Variants in SGCD observed in about 807,000 individuals in gnomAD.
SGCD encodes sarcoglycan delta.
A neutral mutation model predicts 36.6 loss-of-function variants in SGCD; 18 were observed. The observed-to-expected ratio is 0.49, with a 90% CI of 0.34 to 0.73. The LOEUF is 0.73. Among genes scored for constraint, SGCD ranks in the 30% least tolerant of loss-of-function variants. The probability of loss-of-function intolerance (pLI) is 0.01; values close to 1 mark genes in which losing one functional copy is unlikely to be tolerated. For synonymous variants in SGCD, 133 were observed against 130.6 expected, an observed-to-expected ratio of 1.02 and a Z score of -0.12; for missense variants, 387 against 346.7, an observed-to-expected ratio of 1.12 and a Z score of -0.92.
At chr5:156,522,102 A>T (rs1206712417) in intron 4 of SGCD, among the ~76,000 whole-genome samples, 1 of 152,154 alleles carries the variant, frequency 6.6e-6, no homozygotes, top group Non-Finnish European at 1.5e-5. Context: ...AGGACAGAAA[A>T]CCAAACACCG....
chr5:156,386,470 A>G (rs954792184), intron 3 of SGCD, among the ~76,000 whole-genome samples: 2 of 152,272 alleles, frequency 1.3e-5, no homozygotes, highest in Non-Finnish European at 2.9e-5. Flanking sequence ...CATTGAATGG[A>G]TGAATCACTG....
chr5:156,435,308 CGTGCAACTT>C (rs1753196070), intron 3 of SGCD, among the ~76,000 whole-genome samples: 1 of 152,146 alleles, frequency 6.6e-6, no homozygotes, highest in Non-Finnish European at 1.5e-5. Context: ...TAGTTAGTGG[CGTGCAACTT>C]GTGAATTAAA....
chr5:156,459,308 C>G (rs578041698), intron 3 of SGCD, among the ~76,000 whole-genome samples: 1 of 152,156 alleles, frequency 6.6e-6, no homozygotes, highest in African/African-American at 2.4e-5. Context: ...AGCTTGTAGT[C>G]TAAGTGGAGA....
At chr5:155,942,691 G>A (rs34147443) in intron 1 of SGCD, among the ~76,000 whole-genome samples, 14,470 of 152,058 alleles carry the variant, frequency 0.095, 761 homozygotes, top group South Asian at 0.16. Flanking sequence ...GACAGAAACA[G>A]ATTTCAGAGG....
intron 3 of SGCD, among the ~76,000 whole-genome samples, chr5:156,167,166 G>A (rs1038718369): frequency 1.3e-5 from 2 of 152,008 alleles, no homozygotes; most frequent in African/African-American, 2.4e-5. Context: ...CATTTCAGAG[G>A]TGCCCTCTCT....
intron 3 of SGCD, among the ~76,000 whole-genome samples, chr5:156,165,506 C>T (rs888431052): frequency 1.3e-5 from 2 of 152,226 alleles, no homozygotes; most frequent in Admixed American, 1.3e-4. Context: ...AGAGTTGTGC[C>T]AATTTTGTTG....
intron 3 of SGCD, among the ~76,000 whole-genome samples, chr5:156,243,281 G>A (rs1293682130): frequency 2.0e-5 from 3 of 152,216 alleles, no homozygotes; most frequent in South Asian, 2.1e-4. Context: ...TGGTGGAAGC[G>A]CAGGAAAGCA....
At chr5:156,401,066 C>T (rs1209595540) in intron 3 of SGCD, among the ~76,000 whole-genome samples, 1 of 152,136 alleles carries the variant, frequency 6.6e-6, no homozygotes, top group Non-Finnish European at 1.5e-5. Context: ...ATTTCTTGCC[C>T]TCACGGAGCT....
chr5:156,203,399 A>G (rs1764197972), intron 3 of SGCD, among the ~76,000 whole-genome samples: 1 of 152,150 alleles, frequency 6.6e-6, no homozygotes, highest in African/African-American at 2.4e-5. Flanking sequence ...ATGTAGTTCG[A>G]TATTTGAGAT....
chr5:156,414,741 A>T (rs924936255), intron 3 of SGCD, among the ~76,000 whole-genome samples: 8 of 152,262 alleles, frequency 5.3e-5, no homozygotes, highest in African/African-American at 1.9e-4. Context: ...ATCTGTTATT[A>T]AACAACAATT....
At chr5:156,005,184 G>A (rs182883653) in intron 1 of SGCD, among the ~76,000 whole-genome samples, 25 of 152,278 alleles carry the variant, frequency 1.6e-4, no homozygotes, top group Admixed American at 1.4e-3. Context: ...CACTGACACT[G>A]AAAACATCTG....
intron 1 of SGCD, among the ~76,000 whole-genome samples, chr5:156,034,073 T>G (rs1398540677): frequency 2.0e-5 from 3 of 152,154 alleles, no homozygotes; most frequent in Non-Finnish European, 4.4e-5. Context: ...CTGCCAATTT[T>G]TAATAGTCCC....
At chr5:156,690,188 AG>A (rs1754057318) in intron 7 of SGCD, among the ~76,000 whole-genome samples, 1 of 152,174 alleles carries the variant, frequency 6.6e-6, no homozygotes, top group Admixed American at 6.5e-5. Context: ...TACAGATGAG[AG>A]AGCAGAGGAA....
chr5:156,362,580 A>G (rs1014394123), intron 3 of SGCD, among the ~76,000 whole-genome samples: 1 of 152,184 alleles, frequency 6.6e-6, no homozygotes, highest in African/African-American at 2.4e-5. Context: ...CGGGAGGCAG[A>G]GGTTGCAGTG....
chr5:156,696,179 A>G (rs1754311595), intron 7 of SGCD, among the ~76,000 whole-genome samples: 1 of 152,148 alleles, frequency 6.6e-6, no homozygotes, highest in Admixed American at 6.5e-5. Context: ...AGACACCAAG[A>G]AAGACCTGAG....
chr5:155,876,934 T>C (rs1755779583), intron 1 of SGCD, among the ~76,000 whole-genome samples: 1 of 152,114 alleles, frequency 6.6e-6, no homozygotes, highest in South Asian at 2.1e-4. Context: ...CATGGCACAG[T>C]AGAAACCAAC....
In SGCD at chr5:156,728,508, CAAAAAAAAAAAA is replaced by C. The variant is rs34726270; in HGVS notation, c.576-29056_576-29045del. On this transcript the variant is annotated intron_variant, in intron 7 of 8. Transcript: ENST00000337851. ...CCTGGGTGACAGAGCGAGACTCTGT[CAAAAAAAAAAAA>C]AAAAAAAAAAAAAAAAGGTAGAGTC... Among the ~76,000 whole-genome samples the C allele has an allele frequency of 1.3e-4, 6 of 46,558 alleles. No individual in the cohort carries two copies. In the East Asian group the frequency reaches 2.5e-3, roughly 19 times the overall value. The allele number at this position is 46,558 out of a possible 152,430, so 30.5% of individuals were successfully genotyped here. A position where few individuals can be genotyped will look rare whatever the true frequency, so the allele number is the denominator to read the frequency against.
At chr5:156,668,022 A>G (rs1045396421) in intron 7 of SGCD, among the ~76,000 whole-genome samples, 1 of 152,240 alleles carries the variant, frequency 6.6e-6, no homozygotes, top group African/African-American at 2.4e-5. Context: ...ACACAGTTCC[A>G]TAAATCAGAT....
chr5:156,175,957 T>A (rs1763457586), intron 3 of SGCD, among the ~76,000 whole-genome samples: 1 of 152,010 alleles, frequency 6.6e-6, no homozygotes, highest in Non-Finnish European at 1.5e-5. Flanking sequence ...TCTTTTTTTT[T>A]TTATTTTTGG....
Sources: allele counts gnomAD v4.1 joint callset (sites outside exome capture counted in the v4.1 genomes callset), GRCh38; gene constraint gnomAD v4.1.1; transcripts MANE v1.5; gene names NCBI Gene and HGNC (gene_info 2026-07-23, HGNC 2026-07-21).